Variants in CDK8 observed in about 807,000 individuals in gnomAD.
The protein encoded by CDK8 is cyclin-dependent kinase 8.
In CDK8, 29 loss-of-function variants were observed where a neutral mutation model predicts 71.5. The observed-to-expected ratio is 0.41, with a 90% confidence interval of 0.30 to 0.55. The LOEUF (loss-of-function observed/expected upper bound fraction) is 0.55. Among genes scored for constraint, CDK8 ranks in the 20% least tolerant of loss-of-function variants. The probability of loss-of-function intolerance (pLI) is 0.37; values close to 1 mark genes in which losing one functional copy is unlikely to be tolerated. For synonymous variants in CDK8, 161 were observed against 192.1 expected (o/e 0.84, Z 1.34); for missense variants, 288 against 572.6 (o/e 0.50, Z 5.07).
At chr13:26,366,746 C>G (rs1416598511) in intron 4 of CDK8, among the ~76,000 whole-genome samples, 1 of 152,090 alleles carries the variant, frequency 6.6e-6, no homozygotes, top group Non-Finnish European at 1.5e-5. Flanking sequence ...TAATTCAGGT[C>G]AGTGTAGTTT....
At chr13:26,271,359 C>T (rs1420992520) in intron 1 of CDK8, among the ~76,000 whole-genome samples, 2 of 152,100 alleles carry the variant, frequency 1.3e-5, no homozygotes, top group African/African-American at 4.8e-5. Context: ...TACAACACAC[C>T]TAGGCTATAT....
intron 1 of CDK8, among the ~76,000 whole-genome samples, chr13:26,288,308 T>C (rs1873122144): frequency 6.6e-6 from 1 of 152,182 alleles, no homozygotes; most frequent in South Asian, 2.1e-4. Flanking sequence ...CTTTTTGTAC[T>C]ATTTAGGAAA....
At chr13:26,274,667 G>A (rs1872494028) in intron 1 of CDK8, among the ~76,000 whole-genome samples, 1 of 151,992 alleles carries the variant, frequency 6.6e-6, no homozygotes, top group African/African-American at 2.4e-5. Context: ...TCCTGACCTC[G>A]TGATCCGCCC....
intron 1 of CDK8, among the ~76,000 whole-genome samples, chr13:26,261,195 G>T (rs551522092): frequency 2.2e-4 from 34 of 152,290 alleles, no homozygotes; most frequent in African/African-American, 7.9e-4. Context: ...TATAGTTATT[G>T]TCAAAGTCCC....
rs11448258 is a variant in CDK8, at chr13:26,291,118, C to CAA, written c.128+36364_128+36365dup. Reference sequence around the variant, plus strand: ...TGGGTGACAGAGTGAGCCTCCATCTCAAAAAAAAAAAAAAAATTCTGCATG... The same window carrying CAA: ...TGGGTGACAGAGTGAGCCTCCATCTCAAAAAAAAAAAAAAAAAATTCTGCATG... On this transcript the variant is annotated intron_variant, in intron 1 of 12. Transcript: ENST00000381527. Among the ~76,000 whole-genome samples, 935 of 139,394 alleles carry CAA rather than the reference C, an allele frequency of 6.7e-3. 10 individuals carry two copies. The highest frequency in any genetic ancestry group is 0.02 in the African/African-American group (731 of 36,012). 91.4% of individuals were successfully genotyped at this position (139,394 alleles called of 152,430 possible).
At chr13:26,260,745 CAATT>C (rs756927953) in intron 1 of CDK8, among the ~76,000 whole-genome samples, 4 of 152,138 alleles carry the variant, frequency 2.6e-5, no homozygotes, top group Non-Finnish European at 5.9e-5. Context: ...ACTACTTTGA[CAATT>C]AATTCTCTGG....
intron 1 of CDK8, among the ~76,000 whole-genome samples, chr13:26,259,495 A>T (rs768096403): frequency 6.6e-6 from 1 of 152,214 alleles, no homozygotes; most frequent in Admixed American, 6.5e-5. Flanking sequence ...ACACCATTTT[A>T]TATTAGAAAC....
chr13:26,317,482 G>T (rs116497739), intron 1 of CDK8, among the ~76,000 whole-genome samples: 1 of 152,122 alleles, frequency 6.6e-6, no homozygotes, highest in Non-Finnish European at 1.5e-5. Context: ...CCCAACAAAA[G>T]TGTACACATT....
In CDK8 at chr13:26,254,595, G is replaced by GGCCCCCC; in HGVS notation, c.-47_-46insGCCCCCC. On this transcript the variant is annotated 5_prime_UTR_variant, in exon 1 of 13. Coordinates refer to ENST00000381527, the MANE Select transcript of CDK8 (RefSeq NM_001260.3). This position sits in a 1 kb window ranked among gnomAD's most constrained non-coding sequence, Gnocchi z 6.7. ...CCGTGCTTCCCCGGTCCCCACCCCTGCCCCCCGGCCCCCCGACCCAGCTCT... is the reference window on the plus strand; with the variant it reads ...CCGTGCTTCCCCGGTCCCCACCCCTGGCCCCCCCCCCCCGGCCCCCCGACCCAGCTCT... 1 of 1,194,432 alleles carries GGCCCCCC rather than the reference G, an allele frequency of 8.4e-7. No individual in the cohort carries two copies. The highest frequency in any genetic ancestry group is 1.2e-6 in the Non-Finnish European group (1 of 847,012). The allele number at this position is 1,194,432 out of a possible 1,614,324, so 74.0% of individuals were successfully genotyped here.
At chr13:26,276,562 AT>A (rs544695567) in intron 1 of CDK8, among the ~76,000 whole-genome samples, 19 of 152,258 alleles carry the variant, frequency 1.2e-4, no homozygotes, top group East Asian at 1.2e-3. Flanking sequence ...ACTTTAATAT[AT>A]TTTTTTAATT....
At chr13:26,280,453 C>T (rs151178958) in intron 1 of CDK8, among the ~76,000 whole-genome samples, 2 of 152,280 alleles carry the variant, frequency 1.3e-5, no homozygotes, top group African/African-American at 2.4e-5. Flanking sequence ...CACTAAGTAG[C>T]TCATAGTGAC....
intron 6 of CDK8, among the ~76,000 whole-genome samples, chr13:26,391,883 GATTAA>G (rs1427432981): frequency 3.9e-5 from 6 of 152,170 alleles, no homozygotes; most frequent in Non-Finnish European, 8.8e-5. Flanking sequence ...TGAAATTTTA[GATTAA>G]ATTAAATATC....
chr13:26,278,925 G>A (rs1387644224), intron 1 of CDK8, among the ~76,000 whole-genome samples: 2 of 152,044 alleles, frequency 1.3e-5, no homozygotes, highest in East Asian at 3.9e-4. Flanking sequence ...CATTGTATTA[G>A]GTATCATAAG....
intron 2 of CDK8, among the ~76,000 whole-genome samples, chr13:26,347,031 T>A (rs1412006938): frequency 6.6e-6 from 1 of 152,190 alleles, no homozygotes; most frequent in African/African-American, 2.4e-5. Context: ...CTGTTTTAAC[T>A]GATAAAGACA....
intron 1 of CDK8, among the ~76,000 whole-genome samples, chr13:26,327,230 G>A (rs956892806): frequency 3.2e-4 from 49 of 151,910 alleles, no homozygotes; most frequent in African/African-American, 1.1e-3. Flanking sequence ...TTTCTCTTGT[G>A]ATTTACCAAA....
chr13:26,319,300 T>A (rs1459002370), intron 1 of CDK8, among the ~76,000 whole-genome samples: 1 of 151,964 alleles, frequency 6.6e-6, no homozygotes, highest in Non-Finnish European at 1.5e-5. Flanking sequence ...AAACCCTGTC[T>A]CTACTAAAAA....
chr13:26,320,287 T>C (rs925355891), intron 1 of CDK8, among the ~76,000 whole-genome samples: 18 of 152,000 alleles, frequency 1.2e-4, no homozygotes, highest in African/African-American at 3.6e-4. Context: ...AGTACACACC[T>C]GTAGTTCCAG....
intron 1 of CDK8, among the ~76,000 whole-genome samples, chr13:26,314,202 A>C (rs1239021360): frequency 1.3e-5 from 2 of 151,894 alleles, no homozygotes; most frequent in African/African-American, 4.8e-5. Flanking sequence ...ACTTTATTTA[A>C]TTTTTTTTCT....
At chr13:26,326,844 C>G (rs935614824) in intron 1 of CDK8, among the ~76,000 whole-genome samples, 3 of 152,248 alleles carry the variant, frequency 2.0e-5, no homozygotes, top group Admixed American at 1.3e-4. Context: ...ATAGTTGTTT[C>G]CATCAATGAT....
Sources: gnomAD v4.1 joint callset for allele counts (sites outside exome capture counted in the v4.1 genomes callset) on GRCh38, gnomAD v4.1.1 for gene constraint, Gnocchi (gnomAD v3.1) non-coding constraint, MANE v1.5 for transcripts, NCBI Gene and HGNC (gene_info 2026-07-23, HGNC 2026-07-21) for gene names.